Variants in MDFIC2 observed in about 807,000 individuals in gnomAD.
MDFIC2 encodes MyoD family inhibitor domain containing 2.
At chr3:70,263,009 A>AT (rs1701881557) in intron 2 of MDFIC2, among the ~76,000 whole-genome samples, 1 of 152,138 alleles carries the variant, frequency 6.6e-6, no homozygotes, top group South Asian at 2.1e-4. Flanking sequence ...AATTTTAGGT[A>AT]TTGCATTTCT....
intron 2 of MDFIC2, among the ~76,000 whole-genome samples, chr3:70,309,535 A>G (rs1292556897): frequency 6.6e-6 from 1 of 152,350 alleles, no homozygotes; most frequent in East Asian, 1.9e-4. Context: ...AGGGAGATAA[A>G]GTAACATGGC....
intron 2 of MDFIC2, among the ~76,000 whole-genome samples, chr3:70,230,632 CA>C (rs935624003): frequency 3.3e-5 from 5 of 152,070 alleles, no homozygotes; most frequent in African/African-American, 1.2e-4. Flanking sequence ...TTAACAACAA[CA>C]AAAAAAGTTG....
chr3:70,261,075 T>G (rs1701861071), intron 2 of MDFIC2, among the ~76,000 whole-genome samples: 1 of 152,180 alleles, frequency 6.6e-6, no homozygotes, highest in African/African-American at 2.4e-5. Flanking sequence ...ACTTCAACGT[T>G]TATTTAAAGT....
intron 2 of MDFIC2, among the ~76,000 whole-genome samples, chr3:70,280,335 T>A (rs778444625): frequency 6.6e-6 from 1 of 152,156 alleles, no homozygotes; most frequent in African/African-American, 2.4e-5. Context: ...ACGAAGACCC[T>A]TTTTCCTTAA....
At chr3:70,224,831 C>G (rs561247728) in intron 2 of MDFIC2, among the ~76,000 whole-genome samples, 1 of 152,060 alleles carries the variant, frequency 6.6e-6, no homozygotes, top group Non-Finnish European at 1.5e-5. Flanking sequence ...GTTTCCCCCC[C>G]CACACCTCAC....
intron 2 of MDFIC2, among the ~76,000 whole-genome samples, chr3:70,260,780 C>T (rs1701858974): frequency 6.6e-6 from 1 of 152,012 alleles, no homozygotes; most frequent in South Asian, 2.1e-4. Context: ...TTATTGCTAG[C>T]TCCAAGGTAC....
At chr3:70,233,097 A>G (rs983650219) in intron 2 of MDFIC2, among the ~76,000 whole-genome samples, 3 of 152,146 alleles carry the variant, frequency 2.0e-5, no homozygotes, top group Non-Finnish European at 4.4e-5. Context: ...GCTGAGGCAC[A>G]AGAATCGCTT....
At chr3:70,289,537 C>G (rs1702207856) in intron 2 of MDFIC2, among the ~76,000 whole-genome samples, 2 of 147,952 alleles carry the variant, frequency 1.4e-5, no homozygotes, top group Admixed American at 1.3e-4. Flanking sequence ...AATTATGTGT[C>G]TTGGAGTTGC....
In MDFIC2 at chr3:70,247,726, A is replaced by G. The variant is rs566458094; in HGVS notation, c.89-40936T>C. Among the ~76,000 whole-genome samples, 8 of 152,076 alleles carry G rather than the reference A, an allele frequency of 5.3e-5. No homozygotes were observed. The East Asian group carries it at 1.4e-3, about 26-fold the overall frequency. On this transcript the variant is annotated intron_variant, in intron 2 of 3. Transcript: ENST00000567252. The stretch of plus-strand genomic sequence containing the variant: ...GTATACATGCTATGAGCATTTGCCA[A>G]TGCAATATAAAGCAAGTGGGACCAA...
intron 2 of MDFIC2, among the ~76,000 whole-genome samples, chr3:70,209,099 T>G (rs545282458): frequency 6.6e-6 from 1 of 152,218 alleles, no homozygotes; most frequent in African/African-American, 2.4e-5. Flanking sequence ...TTTATTTTTC[T>G]TACTTGGGTA....
At chr3:70,290,378 C>T (rs1702223038) in intron 2 of MDFIC2, among the ~76,000 whole-genome samples, 1 of 152,186 alleles carries the variant, frequency 6.6e-6, no homozygotes, top group Non-Finnish European at 1.5e-5. Flanking sequence ...GCTCGGGGGC[C>T]AGGGGTCAGG....
At chr3:70,291,212 C>G (rs1336693982) in intron 2 of MDFIC2, 1 of 152,162 alleles carries the variant, frequency 6.6e-6, no homozygotes, top group Non-Finnish European at 1.5e-5. Context: ...GGTTTGAAAT[C>G]AGCTCCTCCA....
intron 2 of MDFIC2, among the ~76,000 whole-genome samples, chr3:70,239,928 G>A (rs1701649875): frequency 6.6e-6 from 1 of 152,138 alleles, no homozygotes; most frequent in Non-Finnish European, 1.5e-5. Flanking sequence ...TACTTTGTGT[G>A]TGTGTGTGTG....
At chr3:70,269,810 A>T (rs897349305) in intron 2 of MDFIC2, among the ~76,000 whole-genome samples, 1 of 152,200 alleles carries the variant, frequency 6.6e-6, no homozygotes, top group Non-Finnish European at 1.5e-5. Flanking sequence ...ATTTAAACGA[A>T]ATCACATCTC....
intron 2 of MDFIC2, among the ~76,000 whole-genome samples, chr3:70,223,994 C>G (rs9830919): frequency 0.022 from 3,404 of 152,094 alleles, 103 homozygotes; most frequent in African/African-American, 0.076. Context: ...TGGAAATATG[C>G]AAGACTGCAG....
At chr3:70,283,756 T>C (rs1401178327) in intron 2 of MDFIC2, 5 of 149,128 alleles carry the variant, frequency 3.4e-5, no homozygotes, top group Non-Finnish European at 7.4e-5. Context: ...ATAAAGAGTA[T>C]GTAATGCTTA....
chr3:70,220,252 GA>G (rs768106713), intron 2 of MDFIC2, among the ~76,000 whole-genome samples: 1 of 151,928 alleles, frequency 6.6e-6, no homozygotes, highest in Non-Finnish European at 1.5e-5. Flanking sequence ...ATTATCAGAA[GA>G]AAATATGCCG....
At chr3:70,198,843 A>G (rs9873121) in intron 3 of MDFIC2, among the ~76,000 whole-genome samples, 19,864 of 152,162 alleles carry the variant, frequency 0.13, 1,613 homozygotes, top group African/African-American at 0.22. Context: ...CAACTCTCCC[A>G]TATCTCATAA....
At chr3:70,234,018 G>T (rs1366871723) in intron 2 of MDFIC2, among the ~76,000 whole-genome samples, 1 of 152,176 alleles carries the variant, frequency 6.6e-6, no homozygotes, top group African/African-American at 2.4e-5. Flanking sequence ...TGAGTCATGT[G>T]ATAGGTGTGT....
Sources: gnomAD v4.1 joint callset for allele counts (sites outside exome capture counted in the v4.1 genomes callset) on GRCh38, gnomAD v4.1.1 for gene constraint, MANE v1.5 for transcripts, NCBI Gene and HGNC (gene_info 2026-07-23, HGNC 2026-07-21) for gene names.